FBXW8: variants seen among roughly 807,000 people sequenced by gnomAD.
FBXW8 encodes the protein F-box/WD repeat-containing protein 8.
FBXW8 carries 57 observed loss-of-function variants against 65.3 expected under a neutral mutation model. The ratio of observed to expected loss-of-function variants is 0.87; its 90% CI spans 0.71 to 1.09. FBXW8 has a LOEUF of 1.09. Among genes scored for constraint, FBXW8 ranks in the 50% least tolerant of loss-of-function variants. FBXW8 has a pLI of 0.00. For missense variants in FBXW8, 777 were observed against 814.8 expected (o/e 0.95, Z 0.57); for synonymous variants, 308 against 330.2 (o/e 0.93, Z 0.73).
chr12:116,921,597 A>G (rs1880906915), intron 1 of FBXW8, among the ~76,000 whole-genome samples: 1 of 152,130 alleles, frequency 6.6e-6, no homozygotes, highest in Admixed American at 6.6e-5. Flanking sequence ...ATACTTGCTA[A>G]CAGCACCTCC....
intron 7 of FBXW8, among the ~76,000 whole-genome samples, chr12:117,007,547 A>G (rs1444223403): frequency 6.6e-6 from 1 of 152,210 alleles, no homozygotes; most frequent in Non-Finnish European, 1.5e-5. Context: ...CTTAAAAGGA[A>G]CCATCCTCAA....
rs149997794 is a variant in FBXW8 at position 116,938,429 on chromosome 12, T to C, written c.424-6935T>C. On this transcript the variant is annotated intron_variant, in intron 2 of 10. Coordinates refer to ENST00000652555, the MANE Select transcript of FBXW8 (RefSeq NM_153348.3). ...AATAAGCACTGTGACCCGGGGTTAG[T>C]GATGTGAATGATGCACCACAACATC... is the stretch of plus-strand genomic sequence containing the variant. Among the ~76,000 whole-genome samples, 700 of 152,284 alleles carry C rather than the reference T, an allele frequency of 4.6e-3. 2 individuals are homozygous for C. In the Middle Eastern group the frequency reaches 0.048, roughly 10 times the overall value.
At chr12:117,016,744 A>G (rs1298801540) in intron 8 of FBXW8, among the ~76,000 whole-genome samples, 1 of 151,968 alleles carries the variant, frequency 6.6e-6, no homozygotes, top group Non-Finnish European at 1.5e-5. Flanking sequence ...AGTTTTCTTC[A>G]AAGGGTTTTA....
chr12:117,005,164 T>C (rs547269618), intron 7 of FBXW8, among the ~76,000 whole-genome samples: 90 of 152,292 alleles, frequency 5.9e-4, no homozygotes, highest in Admixed American at 1.2e-3. Flanking sequence ...GCAGTTCCTT[T>C]GTACATACCA....
At chr12:116,988,099 G>A (rs962789384) in intron 6 of FBXW8, among the ~76,000 whole-genome samples, 3 of 152,186 alleles carry the variant, frequency 2.0e-5, no homozygotes, top group African/African-American at 4.8e-5. Flanking sequence ...TAGTCCCTTA[G>A]TAATGGGTGT....
intron 10 of FBXW8, 81 bp from the exon 11 acceptor site, chr12:117,027,947 G>A (rs1172040631): frequency 3.7e-5 from 59 of 1,573,424 alleles, no homozygotes; most frequent in Non-Finnish European, 4.8e-5. Flanking sequence ...TCAGGCGAAC[G>A]CCTCCTGCAC....
intron 1 of FBXW8, among the ~76,000 whole-genome samples, chr12:116,916,746 A>G (rs1341845097): frequency 1.3e-5 from 2 of 152,104 alleles, no homozygotes; most frequent in Non-Finnish European, 2.9e-5. Context: ...ACACCATCCA[A>G]AACGTTGGCT....
intron 7 of FBXW8, among the ~76,000 whole-genome samples, chr12:116,995,241 T>C (rs568403866): frequency 6.6e-6 from 1 of 152,356 alleles, no homozygotes; most frequent in South Asian, 2.1e-4. Flanking sequence ...TCTGGGCTTA[T>C]CTGGGACCCA....
intron 9 of FBXW8, among the ~76,000 whole-genome samples, chr12:117,025,167 C>T (rs1954194593): frequency 1.3e-5 from 2 of 152,188 alleles, no homozygotes; most frequent in South Asian, 4.1e-4. Flanking sequence ...CCGGCCCTCT[C>T]GCTTGCTGCC....
chr12:116,947,190 A>G (rs901075833), intron 3 of FBXW8, among the ~76,000 whole-genome samples: 5 of 152,172 alleles, frequency 3.3e-5, no homozygotes, highest in African/African-American at 1.2e-4. Context: ...ATCTAGCTGA[A>G]TGTCTATTTA....
At chr12:116,931,969 C>T (rs1412340996) in intron 2 of FBXW8, among the ~76,000 whole-genome samples, 1 of 152,010 alleles carries the variant, frequency 6.6e-6, no homozygotes, top group Non-Finnish European at 1.5e-5. Context: ...ATGACTTTAG[C>T]TTTGGTTTTG....
In FBXW8 at chr12:117,027,619, C is replaced by G. The variant is rs915114245; in HGVS notation, c.1652+115C>G. On this transcript the variant is annotated intron_variant, in intron 10 of 10. Coordinates refer to ENST00000652555, the MANE Select transcript of FBXW8 (RefSeq NM_153348.3). ...ATGGGCTATACCCTCAGGCAGGGCC[C>G]TGCCTTTCTGCGAATTGGAAACATA... 6 of 806,938 alleles carry G rather than the reference C, an allele frequency of 7.4e-6. No individual in the cohort carries two copies. The African/African-American group carries it at 1.0e-4, about 14-fold the overall frequency. 50.0% of individuals were successfully genotyped at this position (806,938 alleles called of 1,614,324 possible).
At chr12:116,969,968 A>G (rs767687463) in intron 5 of FBXW8, among the ~76,000 whole-genome samples, 4 of 152,076 alleles carry the variant, frequency 2.6e-5, no homozygotes, top group Non-Finnish European at 4.4e-5. Flanking sequence ...ATTGTGTTGC[A>G]CGTTACCATA....
chr12:117,008,020 AACTT>A (rs1953720365), intron 7 of FBXW8, among the ~76,000 whole-genome samples: 2 of 152,230 alleles, frequency 1.3e-5, no homozygotes, highest in African/African-American at 4.8e-5. Flanking sequence ...CTGGACTACT[AACTT>A]AGATGTCTTT....
At chr12:116,987,680 T>C (rs2135674141) in intron 6 of FBXW8, among the ~76,000 whole-genome samples, 1 of 152,196 alleles carries the variant, frequency 6.6e-6, no homozygotes, top group East Asian at 1.9e-4. Flanking sequence ...ATGTTATTTA[T>C]TCAGTTCATT....
intron 4 of FBXW8, among the ~76,000 whole-genome samples, chr12:116,955,418 C>G (rs1319218341): frequency 6.6e-6 from 1 of 152,198 alleles, no homozygotes; most frequent in Non-Finnish European, 1.5e-5. Context: ...TCACCAGTCT[C>G]TACAGAATCA....
chr12:116,965,881 C>T (rs979272922), intron 5 of FBXW8, among the ~76,000 whole-genome samples: 1 of 151,676 alleles, frequency 6.6e-6, no homozygotes, highest in Non-Finnish European at 1.5e-5. Flanking sequence ...ACCTCAGTCT[C>T]CTGAGTAGCT....
chr12:116,997,871 A>G (rs1278011891), intron 7 of FBXW8, among the ~76,000 whole-genome samples: 2 of 152,222 alleles, frequency 1.3e-5, no homozygotes, highest in African/African-American at 4.8e-5. Flanking sequence ...GCCAGAGTGC[A>G]GTGGCGCCAT....
intron 7 of FBXW8, among the ~76,000 whole-genome samples, chr12:116,989,627 G>A (rs1953186500): frequency 6.6e-6 from 1 of 152,172 alleles, no homozygotes; most frequent in South Asian, 2.1e-4. Context: ...CCTGACTATA[G>A]GCCAAATACT....
Sources: gnomAD v4.1 joint callset for allele counts (sites outside exome capture counted in the v4.1 genomes callset) on GRCh38, gnomAD v4.1.1 for gene constraint, MANE v1.5 for transcripts, NCBI Gene and HGNC (gene_info 2026-07-23, HGNC 2026-07-21) for gene names.